The following ZNF407 variants were observed in gnomAD, a reference collection of about 807,000 sequenced individuals.
ZNF407 encodes the protein zinc finger protein 407.
In ZNF407, 17 loss-of-function variants were observed where a neutral mutation model predicts 131.2. The observed-to-expected ratio is 0.13, with a 90% CI of 0.09 to 0.19. The LOEUF (loss-of-function observed/expected upper bound fraction) is 0.19, where lower values mean the gene tolerates loss of function less well. Among genes scored for constraint, ZNF407 ranks in the 10% least tolerant of loss-of-function variants. ZNF407 has a pLI of 1.00. For missense variants in ZNF407, 2,681 were observed against 2,830.6 expected (o/e 0.95, Z 1.20); for synonymous variants, 1,156 against 1,062.0 (o/e 1.09, Z -1.72).
At chr18:74,892,130 T>C (rs1971393829) in intron 7 of ZNF407, among the ~76,000 whole-genome samples, 2 of 152,200 alleles carry the variant, frequency 1.3e-5, no homozygotes, top group Non-Finnish European at 2.9e-5. Flanking sequence ...TATTGTAACA[T>C]TAAAAATAGC....
intron 8 of ZNF407, among the ~76,000 whole-genome samples, chr18:75,035,591 C>A (rs1329261023): frequency 6.6e-6 from 1 of 152,200 alleles, no homozygotes; most frequent in Admixed American, 6.5e-5. Context: ...TTTTTATCTG[C>A]CAGCCAGCAG....
intron 8 of ZNF407, chr18:75,062,174 TCTC>T (rs2122294422): frequency 6.6e-6 from 1 of 152,442 alleles, no homozygotes; most frequent in South Asian, 2.1e-4. Context: ...GTCTGGAACT[TCTC>T]CTCCCAGTCC....
chr18:74,628,903 T>G (rs1033352432), intron 1 of ZNF407, among the ~76,000 whole-genome samples: 6 of 152,202 alleles, frequency 3.9e-5, no homozygotes, highest in African/African-American at 1.4e-4. Flanking sequence ...TTTTTATGAC[T>G]GAATACTATT....
chr18:74,717,905 T>C lies in ZNF407; in HGVS notation c.4803-63523T>C, dbSNP rs962394123. Among the ~76,000 whole-genome samples, 78 of 152,158 alleles carry C rather than the reference T, an allele frequency of 5.1e-4. 3 individuals are homozygous for C. Among genetic ancestry groups the C allele is most frequent in the Non-Finnish European group, 5.9e-5 (4 of 68,016 alleles). ...AATTTCAGATTTTAGAGTGGTTTGG[T>C]TTTTGGATTTTCAGATTAGGGATAC... On this transcript the variant is annotated intron_variant, in intron 3 of 8. Transcript: ENST00000299687.
intron 3 of ZNF407, among the ~76,000 whole-genome samples, chr18:74,642,623 TAC>T (rs1448452946): frequency 3.3e-5 from 5 of 152,150 alleles, no homozygotes; most frequent in African/African-American, 1.2e-4. Flanking sequence ...TCAAAAAGAA[TAC>T]ACAATTGATC....
intron 4 of ZNF407, among the ~76,000 whole-genome samples, chr18:74,818,865 TAAAA>T (rs11392274): frequency 2.2e-5 from 3 of 139,438 alleles, no homozygotes; most frequent in Admixed American, 1.4e-4. Flanking sequence ...CATTGAACAG[TAAAA>T]AAAAAAAAAA....
chr18:74,973,123 A>G (rs939045992), intron 8 of ZNF407, among the ~76,000 whole-genome samples: 1 of 147,472 alleles, frequency 6.8e-6, no homozygotes, highest in African/African-American at 2.6e-5. Context: ...TGATTATTCT[A>G]GGTTTTATAT....
chr18:75,021,976 T>C (rs1168676226), intron 8 of ZNF407, among the ~76,000 whole-genome samples: 1 of 151,932 alleles, frequency 6.6e-6, no homozygotes, highest in Non-Finnish European at 1.5e-5. Context: ...GAGCTCATTA[T>C]CATTAAATCA....
At chr18:75,016,303 T>G (rs1973043535) in intron 8 of ZNF407, among the ~76,000 whole-genome samples, 1 of 152,128 alleles carries the variant, frequency 6.6e-6, no homozygotes, top group Non-Finnish European at 1.5e-5. Context: ...TTGGGGCTAA[T>G]TTTTGACTCC....
chr18:75,007,607 T>C (rs1486469421), intron 8 of ZNF407, among the ~76,000 whole-genome samples: 2 of 152,360 alleles, frequency 1.3e-5, no homozygotes, highest in Non-Finnish European at 2.9e-5. Flanking sequence ...TACAGTTTTC[T>C]TATATGCAAA....
intron 3 of ZNF407, among the ~76,000 whole-genome samples, chr18:74,739,276 G>A (rs1968493025): frequency 2.0e-5 from 3 of 151,806 alleles, no homozygotes; most frequent in Non-Finnish European, 1.5e-5. Context: ...TTCATAATTA[G>A]TAATGTCCTC....
chr18:74,640,064 C>T (rs1984639462), intron 2 of ZNF407, among the ~76,000 whole-genome samples: 1 of 151,978 alleles, frequency 6.6e-6, no homozygotes, highest in African/African-American at 2.4e-5. Flanking sequence ...AGGAAACGTA[C>T]TGATTTTAAA....
At chr18:74,817,640 T>C (rs928966221) in intron 4 of ZNF407, among the ~76,000 whole-genome samples, 5 of 152,318 alleles carry the variant, frequency 3.3e-5, no homozygotes, top group South Asian at 2.1e-4. Context: ...ATTTAAGATA[T>C]TTGTTTTTCA....
At chr18:74,875,427 A>G (rs529934780) in intron 4 of ZNF407, among the ~76,000 whole-genome samples, 2 of 152,330 alleles carry the variant, frequency 1.3e-5, no homozygotes, top group South Asian at 4.1e-4. Context: ...TTTAAAAATG[A>G]GGGATTTATT....
chr18:74,885,112 T>G (rs1393473910), intron 6 of ZNF407, among the ~76,000 whole-genome samples: 1 of 152,156 alleles, frequency 6.6e-6, no homozygotes, highest in Non-Finnish European at 1.5e-5. Context: ...CTTATTATAT[T>G]GAAAGTATAA....
At chr18:74,607,030 A>G (rs528076425) in intron 1 of ZNF407, among the ~76,000 whole-genome samples, 107 of 152,298 alleles carry the variant, frequency 7.0e-4, no homozygotes, top group Non-Finnish European at 1.2e-3. Flanking sequence ...CCGACTCCTC[A>G]TCGTCTACTA....
At chr18:74,697,634 T>G (rs866690311) in intron 3 of ZNF407, among the ~76,000 whole-genome samples, 24 of 152,316 alleles carry the variant, frequency 1.6e-4, no homozygotes, top group Middle Eastern at 3.4e-3. Flanking sequence ...AGAATTGTTT[T>G]ATATATACTA....
At chr18:75,041,089 C>T (rs529536042) in intron 8 of ZNF407, among the ~76,000 whole-genome samples, 57 of 152,298 alleles carry the variant, frequency 3.7e-4, no homozygotes, top group African/African-American at 1.3e-3. Flanking sequence ...TCCTAATACT[C>T]GCAGTATCCC....
chr18:75,004,639 A>C (rs1972886681), intron 8 of ZNF407, among the ~76,000 whole-genome samples: 1 of 152,232 alleles, frequency 6.6e-6, no homozygotes, highest in Admixed American at 6.5e-5. Context: ...GAATTTCACC[A>C]GGGATGGGCT....
Sources: gnomAD v4.1 joint callset for allele counts (sites outside exome capture counted in the v4.1 genomes callset) on GRCh38, gnomAD v4.1.1 for gene constraint, MANE v1.5 for transcripts, NCBI Gene and HGNC (gene_info 2026-07-23, HGNC 2026-07-21) for gene names.